KLHL42: variants seen among roughly 807,000 people sequenced by gnomAD.
The protein encoded by KLHL42 is kelch-like protein 42.
In KLHL42, 27 loss-of-function variants were observed where a neutral mutation model predicts 32.7. The ratio of observed to expected loss-of-function variants is 0.83; its 90% CI spans 0.61 to 1.14. The LOEUF is 1.14. Ranked by LOEUF, KLHL42 falls within the 50% of genes most tolerant of loss-of-function variation. The pLI is 0.00. For missense variants in KLHL42, 491 were observed against 560.8 expected (o/e 0.88, Z 1.26); for synonymous variants, 267 against 248.2 (o/e 1.08, Z -0.71).
chr12:27,801,594 T>C lies in KLHL42; in HGVS notation c.*3428T>C, dbSNP rs915360544. ...GAATATATAACACCTGTGCCACCGC[T>C]CTTTTAAGGAGGCATTATGAATGAG... On this transcript the variant is annotated 3_prime_UTR_variant, in exon 3 of 3. Transcript: ENST00000381271. 1.3e-5 allele frequency: 2 copies of C among 152,244 alleles called. No individual in the cohort carries two copies. The highest frequency in any genetic ancestry group is 2.9e-5 in the Non-Finnish European group (2 of 68,042). The allele number at this position is 152,244 out of a possible 1,614,324, so 9.4% of individuals were successfully genotyped here.
rs1202570469 is a variant in KLHL42, at chr12:27,800,086, G to C, written c.*1920G>C. On this transcript the variant is annotated 3_prime_UTR_variant, in exon 3 of 3. Transcript: ENST00000381271. ...GGTGTTAACTTTTCGTTGCTGAAGA[G>C]CTTAACTTTTTAAAGGCTTTGTCCT... The C allele has an allele frequency of 4.1e-6, 4 of 983,316 alleles. No individual in the cohort carries two copies. Among genetic ancestry groups the C allele is most frequent in the Non-Finnish European group, 4.8e-6 (4 of 828,138 alleles). The allele number at this position is 983,316 out of a possible 1,614,324, so 60.9% of individuals were successfully genotyped here.
At chr12:27,782,128 C>T (rs1336560723) in intron 1 of KLHL42, among the ~76,000 whole-genome samples, 3 of 152,190 alleles carry the variant, frequency 2.0e-5, no homozygotes, top group Non-Finnish European at 4.4e-5. Context: ...CCATCTCAAT[C>T]CTCACAGGGT....
At chr12:27,788,755 GT>G (rs1565482968) in intron 1 of KLHL42, among the ~76,000 whole-genome samples, 1 of 152,082 alleles carries the variant, frequency 6.6e-6, no homozygotes, top group East Asian at 1.9e-4. Context: ...TTCAATTGTG[GT>G]TTTATCCAAT....
At position 27,798,549 on chromosome 12, in the gene KLHL42, T is replaced by G. The variant is rs879317359; in HGVS notation, c.*383T>G. 11 of 193,134 alleles carry G rather than the reference T, an allele frequency of 5.7e-5. No homozygotes were observed. Among genetic ancestry groups the G allele is most frequent in the African/African-American group, 1.4e-4 (6 of 41,912 alleles). 12.0% of individuals were successfully genotyped at this position (193,134 alleles called of 1,614,324 possible). A position where few individuals can be genotyped will look rare whatever the true frequency, so the allele number is the denominator to read the frequency against. On this transcript the variant is annotated 3_prime_UTR_variant, in exon 3 of 3. Coordinates refer to ENST00000381271, the MANE Select transcript of KLHL42 (RefSeq NM_020782.2). ...TGTATTTAGGTCCCTTGACATATCA[T>G]TAGCACCTTAAGTGAGAGGTTTTCT...
Position 27,780,320 on chromosome 12 carries a change from G to A in KLHL42, c.-11G>A. 1 of 1,551,154 alleles carries A rather than the reference G, an allele frequency of 6.4e-7. No individual in the cohort carries two copies. The highest frequency in any genetic ancestry group is 8.7e-7 in the Non-Finnish European group (1 of 1,153,244). ...CTGGCGGTGAGCGCTGCCGCCCCGG[G>A]GCCCCCAGCCATGTCGGCCGAGGAG... is the stretch of plus-strand genomic sequence containing the variant. On this transcript the variant is annotated 5_prime_UTR_variant, in exon 1 of 3. Coordinates refer to ENST00000381271, the MANE Select transcript of KLHL42 (RefSeq NM_020782.2). The surrounding 1 kb of genome is among the most constrained non-coding windows in gnomAD (Gnocchi z 8.8).
intron 1 of KLHL42, 77 bp downstream of exon 1, chr12:27,781,279 A>C (rs1162716731): frequency 6.8e-7 from 1 of 1,476,106 alleles, no homozygotes; most frequent in Non-Finnish European, 9.2e-7. Context: ...GTGTTTACTG[A>C]GCCAGTAAAT....
intron 1 of KLHL42, among the ~76,000 whole-genome samples, chr12:27,791,016 G>C (rs748340246): frequency 1.2e-4 from 19 of 152,200 alleles, no homozygotes; most frequent in Non-Finnish European, 1.9e-4. Flanking sequence ...AGCTATGACT[G>C]TGCCACTGCA....
intron 1 of KLHL42, among the ~76,000 whole-genome samples, chr12:27,790,028 G>C (rs2062189404): frequency 6.6e-6 from 1 of 152,078 alleles, no homozygotes; most frequent in African/African-American, 2.4e-5. Context: ...CTTTTTAGGG[G>C]ATCAAGCATG....
At chr12:27,793,534 C>T (rs1486862651) in intron 2 of KLHL42, among the ~76,000 whole-genome samples, 2 of 150,736 alleles carry the variant, frequency 1.3e-5, no homozygotes, top group East Asian at 3.9e-4. Flanking sequence ...AGAGTGAGAC[C>T]CAGTCTCTAA....
chr12:27,785,713 C>T (rs1048745859), intron 1 of KLHL42, among the ~76,000 whole-genome samples: 3 of 151,654 alleles, frequency 2.0e-5, no homozygotes, highest in African/African-American at 4.9e-5. Context: ...CTCTGCCTTC[C>T]GATCAGGAAC....
Position 27,791,923 on chromosome 12 carries a change from G to A in KLHL42, c.1066+22G>A, listed in dbSNP as rs756598404. ...AGAGGTAAGTGAAGGGACCAGGTAG[G>A]TGGTCTGCCCATGTGTAGGCGTCAG... On this transcript the variant is annotated intron_variant, in intron 2 of 2. Transcript: ENST00000381271. 4 of 1,611,132 alleles carry A rather than the reference G, an allele frequency of 2.5e-6. No individual in the cohort carries two copies. The South Asian group carries it at 4.4e-5, about 18-fold the overall frequency.
rs201570618 is a variant in KLHL42 at position 27,797,900 on chromosome 12, G to T, written c.1252G>T (p.Val418Leu). ...RSSQSEDMLT[V>L]QSYNTVTRQW... ...CAGCCAGAGCGAGGACATGCTCACC[G>T]TGCAGTCCTACAACACCGTCACCCG... Residue 418 changes from valine to leucine, a missense_variant, in exon 3 of 3, where the codon GTG becomes TTG. Val to Leu is a conservative substitution (Grantham distance 32). Coordinates refer to ENST00000381271, the MANE Select transcript of KLHL42 (RefSeq NM_020782.2). 3.8e-6 allele frequency: 3 copies of T among 780,834 alleles called. No homozygotes were observed. In the Admixed American group the frequency reaches 5.1e-5, roughly 13 times the overall value. The allele number at this position is 780,834 out of a possible 1,614,324, so 48.4% of individuals were successfully genotyped here.
chr12:27,797,471 T>G (rs1591817196), intron 2 of KLHL42: 3 of 561,812 alleles, frequency 5.3e-6, no homozygotes, highest in Non-Finnish European at 6.5e-6. Context: ...CTGCGCTTTT[T>G]CCTGGTTTTA....
At position 27,798,146 on chromosome 12, in the gene KLHL42, C is replaced by T. The variant is rs774940108; in HGVS notation, c.1498C>T (p.Pro500Ser). ...HNLLVSSLYL[P>S]NKAET is the part of the protein sequence containing the mutation. ...CTTGCTGGTTTCTTCTCTTTATCTGCCCAATAAAGCAGAAACATGACTGAA... is the reference window on the plus strand; with the variant it reads ...CTTGCTGGTTTCTTCTCTTTATCTGTCCAATAAAGCAGAAACATGACTGAA... The change falls in exon 3 of 3, where the codon CCC becomes TCC. Residue 500 changes from proline (P) to serine (S), a missense_variant. This residue lies in a region of KLHL42 where 152 missense variants were observed against 125.9 expected (regional missense o/e 1.21). Coordinates refer to ENST00000381271, the MANE Select transcript of KLHL42 (RefSeq NM_020782.2). 1.3e-6 allele frequency: 1 copy of T among 778,582 alleles called. No individual in the cohort carries two copies. The highest frequency in any genetic ancestry group is 1.7e-5 in the Admixed American group (1 of 58,866). The allele number at this position is 778,582 out of a possible 1,614,324, so 48.2% of individuals were successfully genotyped here. A position where few individuals can be genotyped will look rare whatever the true frequency, so the allele number is the denominator to read the frequency against.
chr12:27,796,126 C>A (rs1231007644), intron 2 of KLHL42, among the ~76,000 whole-genome samples: 3 of 152,206 alleles, frequency 2.0e-5, no homozygotes, highest in Admixed American at 6.5e-5. Flanking sequence ...GAAATCAGGA[C>A]AGTTTCCTAA....
chr12:27,780,624 G>A lies in KLHL42; in HGVS notation c.294G>A (p.Glu98=), dbSNP rs1272536525. 6.4e-7 allele frequency: 1 copy of A among 1,566,926 alleles called. No homozygotes were observed. The highest frequency in any genetic ancestry group is 1.3e-5 in the African/African-American group (1 of 74,228). Reference sequence around the variant, plus strand: ...TGGACGAGGACGAGGAGATGGATGAGGTGAGCCTGCTGTCCGAGCTGGTGG... The same window carrying A: ...TGGACGAGGACGAGGAGATGGATGAAGTGAGCCTGCTGTCCGAGCTGGTGG... ...GGVDEDEEMD[E]VSLLSELVEA... is the part of the protein sequence containing the mutation. The change falls in exon 1 of 3, where the codon GAG becomes GAA. Residue 98 remains glutamate, a synonymous_variant. Coordinates refer to ENST00000381271, the MANE Select transcript of KLHL42 (RefSeq NM_020782.2). The surrounding 1 kb of genome is among the most constrained non-coding windows in gnomAD (Gnocchi z 8.8).
At chr12:27,786,905 T>C (rs2062174629) in intron 1 of KLHL42, among the ~76,000 whole-genome samples, 1 of 151,520 alleles carries the variant, frequency 6.6e-6, no homozygotes, top group Non-Finnish European at 1.5e-5. Flanking sequence ...TTTTGTATTT[T>C]TAGTAGAGAT....
Position 27,780,703 on chromosome 12 carries a change from G to C in KLHL42, c.373G>C (p.Val125Leu), listed in dbSNP as rs1388829553. 3 of 1,610,828 alleles carry C rather than the reference G, an allele frequency of 1.9e-6. No homozygotes were observed. The highest frequency in any genetic ancestry group is 8.5e-7 in the Non-Finnish European group (1 of 1,178,192). The change falls in exon 1 of 3, where the codon GTG becomes CTG. Residue 125 changes from valine (V) to leucine (L), a missense_variant. Coordinates refer to ENST00000381271, the MANE Select transcript of KLHL42 (RefSeq NM_020782.2). The surrounding 1 kb of genome is among the most constrained non-coding windows in gnomAD (Gnocchi z 8.8). ...TSLLQLLLSQ[V>L]RLNNCLEMYR... ...CCTGCTGCAGCTGCTGCTGTCCCAGGTGCGGCTCAATAACTGCCTGGAGAT... is the reference window on the plus strand; with the variant it reads ...CCTGCTGCAGCTGCTGCTGTCCCAGCTGCGGCTCAATAACTGCCTGGAGAT...
intron 1 of KLHL42, among the ~76,000 whole-genome samples, chr12:27,786,271 C>T (rs1157511880): frequency 6.6e-6 from 1 of 152,136 alleles, no homozygotes; most frequent in Non-Finnish European, 1.5e-5. Flanking sequence ...GAGCACAGAT[C>T]TTTTGTGGTA....
Sources: allele counts gnomAD v4.1 joint callset (sites outside exome capture counted in the v4.1 genomes callset), GRCh38; gene constraint gnomAD v4.1.1; regional missense constraint gnomAD v4.1.1; non-coding constraint Gnocchi (gnomAD v3.1); transcripts MANE v1.5; gene names NCBI Gene and HGNC (gene_info 2026-07-23, HGNC 2026-07-21).